HHAT: variants seen among roughly 807,000 people sequenced by gnomAD.
HHAT encodes the protein protein-cysteine N-palmitoyltransferase HHAT.
In HHAT, 47 loss-of-function variants were observed where a neutral mutation model predicts 70.8. That is an observed-to-expected ratio of 0.66 (90% CI 0.53 to 0.85). The LOEUF (loss-of-function observed/expected upper bound fraction) is 0.85, where lower values mean the gene tolerates loss of function less well. Among genes scored for constraint, HHAT ranks in the 40% least tolerant of loss-of-function variants. The pLI is 0.00. For missense variants in HHAT, 609 were observed against 604.8 expected (o/e 1.01, Z -0.07); for synonymous variants, 228 against 247.6 (o/e 0.92, Z 0.74).
rs1161757088 is a variant in HHAT, at chr1:210,575,277, A to G, written c.1044-12621A>G. Among the ~76,000 whole-genome samples, 12 of 152,192 alleles carry G rather than the reference A, an allele frequency of 7.9e-5. No individual in the cohort carries two copies. In the East Asian group the frequency reaches 2.3e-3, roughly 29 times the overall value. ...CTTTTCCTTTGGCCTAGGGAAGCTT[A>G]TAAATGCTTTCAGCATCGTCTTAGG... is the stretch of plus-strand genomic sequence containing the variant. On this transcript the variant is annotated intron_variant, in intron 9 of 11. Coordinates refer to ENST00000261458, the MANE Select transcript of HHAT (RefSeq NM_018194.6).
intron 9 of HHAT, among the ~76,000 whole-genome samples, chr1:210,559,414 G>A (rs1573318841): frequency 6.6e-6 from 1 of 152,302 alleles, no homozygotes; most frequent in South Asian, 2.1e-4. Context: ...AGGTTAGTTG[G>A]TAAAGGTTGA....
rs144379326 is a variant in HHAT, at chr1:210,457,938, T to A, written c.857-6567T>A. Among the ~76,000 whole-genome samples, 286 of 152,262 alleles carry A rather than the reference T, an allele frequency of 1.9e-3. 6 individuals are homozygous for A. In the South Asian group the frequency reaches 0.041, roughly 22 times the overall value. On this transcript the variant is annotated intron_variant, in intron 7 of 11. Transcript: ENST00000261458. ...GCATCCTGTAATCTGGCAGACAATA[T>A]CAGCAAGTACAAAAAGACCTGTAAG...
intron 8 of HHAT, among the ~76,000 whole-genome samples, chr1:210,501,694 G>T (rs1248632329): frequency 6.6e-6 from 1 of 152,254 alleles, no homozygotes; most frequent in East Asian, 1.9e-4. Flanking sequence ...TCTTATGAGA[G>T]TGCCTCTCAT....
intron 8 of HHAT, among the ~76,000 whole-genome samples, chr1:210,480,155 A>G (rs1482002356): frequency 6.6e-6 from 1 of 152,140 alleles, no homozygotes; most frequent in African/African-American, 2.4e-5. Flanking sequence ...AGCTATTGGA[A>G]GTTCATATGG....
At chr1:210,364,817 T>C (rs917937792) in intron 3 of HHAT, among the ~76,000 whole-genome samples, 1 of 152,192 alleles carries the variant, frequency 6.6e-6, no homozygotes, top group Non-Finnish European at 1.5e-5. Context: ...GTCGGGAGTG[T>C]TGTTGCTCAG....
chr1:210,442,094 T>G (rs906807227), intron 7 of HHAT, among the ~76,000 whole-genome samples: 6 of 142,978 alleles, frequency 4.2e-5, no homozygotes, highest in Non-Finnish European at 3.1e-5. Context: ...AGTGAGAATA[T>G]GCAGTGTTTG....
intron 6 of HHAT, among the ~76,000 whole-genome samples, chr1:210,411,156 A>T (rs1202185298): frequency 1.3e-5 from 2 of 152,138 alleles, no homozygotes; most frequent in Non-Finnish European, 2.9e-5. Flanking sequence ...GGTGTCAGCG[A>T]TATTTTCTTG....
intron 9 of HHAT, among the ~76,000 whole-genome samples, chr1:210,537,230 C>T (rs1311739478): frequency 2.0e-5 from 3 of 152,138 alleles, no homozygotes; most frequent in Non-Finnish European, 4.4e-5. Flanking sequence ...GCACAGAAAG[C>T]TCACTTGTCT....
intron 9 of HHAT, among the ~76,000 whole-genome samples, chr1:210,585,324 A>C (rs1660192510): frequency 6.6e-6 from 1 of 152,210 alleles, no homozygotes; most frequent in South Asian, 2.1e-4. Flanking sequence ...AGGATGTTAA[A>C]GAAAAACCAG....
chr1:210,505,189 A>G (rs1344349488), intron 8 of HHAT, among the ~76,000 whole-genome samples: 5 of 152,122 alleles, frequency 3.3e-5, no homozygotes, highest in Non-Finnish European at 7.4e-5. Flanking sequence ...ATGAACCACC[A>G]TGCCTGGCCC....
intron 8 of HHAT, among the ~76,000 whole-genome samples, chr1:210,465,544 A>G (rs973969115): frequency 1.3e-5 from 2 of 152,280 alleles, no homozygotes; most frequent in Non-Finnish European, 2.9e-5. Context: ...AGTTCTCACT[A>G]TGTTTCCCAG....
At chr1:210,513,128 G>T (rs1349232294) in intron 8 of HHAT, 25 bp from the exon 9 acceptor site, 5 of 1,421,978 alleles carry the variant, frequency 3.5e-6, no homozygotes, top group East Asian at 2.3e-5. Context: ...TTATTGATAT[G>T]CTTGTCTATG....
chr1:210,420,670 AAAAAC>A (rs2092873796), intron 7 of HHAT, among the ~76,000 whole-genome samples: 1 of 133,950 alleles, frequency 7.5e-6, no homozygotes, highest in Admixed American at 7.3e-5. Context: ...TAAAATTTAA[AAAAAC>A]AAAAAAAAAA....
intron 2 of HHAT, among the ~76,000 whole-genome samples, chr1:210,354,610 C>T (rs1484806409): frequency 1.3e-5 from 2 of 152,260 alleles, no homozygotes; most frequent in East Asian, 3.9e-4. Context: ...GATCTTCCTG[C>T]CTCGGCCTCC....
chr1:210,450,607 CTTT>C lies in HHAT; in HGVS notation c.857-13885_857-13883del, dbSNP rs35916715. Among the ~76,000 whole-genome samples the C allele has an allele frequency of 8.2e-3, 1,151 of 140,888 alleles. 15 individuals are homozygous for C. Among genetic ancestry groups the C allele is most frequent in the African/African-American group, 0.027 (1,052 of 38,304 alleles). The allele number at this position is 140,888 out of a possible 152,430, so 92.4% of individuals were successfully genotyped here. ...CTTTTATAATTGGTACATTGTAAATCTTTTTTTTTTTTTTTACATACCCCAAGG... is the reference window on the plus strand; with the variant it reads ...CTTTTATAATTGGTACATTGTAAATCTTTTTTTTTTTTACATACCCCAAGG... On this transcript the variant is annotated intron_variant, in intron 7 of 11. Transcript: ENST00000261458.
intron 6 of HHAT, among the ~76,000 whole-genome samples, chr1:210,413,856 C>T (rs1319696232): frequency 6.6e-6 from 1 of 152,206 alleles, no homozygotes; most frequent in African/African-American, 2.4e-5. Flanking sequence ...CCAAAATTTC[C>T]CTTAAAGATC....
At chr1:210,499,053 C>G (rs2094704712) in intron 8 of HHAT, among the ~76,000 whole-genome samples, 1 of 152,154 alleles carries the variant, frequency 6.6e-6, no homozygotes, top group African/African-American at 2.4e-5. Context: ...CAGGCATGAA[C>G]CACCACACCC....
chr1:210,446,128 G>C (rs1331129174), intron 7 of HHAT, among the ~76,000 whole-genome samples: 1 of 152,130 alleles, frequency 6.6e-6, no homozygotes, highest in African/African-American at 2.4e-5. Flanking sequence ...TTCTCTTGTC[G>C]GGTGGGCGAG....
intron 1 of HHAT, among the ~76,000 whole-genome samples, chr1:210,348,015 G>A (rs113717925): frequency 0.014 from 2,193 of 152,296 alleles, 66 homozygotes; most frequent in African/African-American, 0.05. Context: ...AAGGGGTAGT[G>A]AGGGGCGGTG....
Sources: gnomAD v4.1 joint callset for allele counts (sites outside exome capture counted in the v4.1 genomes callset) on GRCh38, gnomAD v4.1.1 for gene constraint, MANE v1.5 for transcripts, NCBI Gene and HGNC (gene_info 2026-07-23, HGNC 2026-07-21) for gene names.